GRIN2B: variants seen among roughly 807,000 people sequenced by gnomAD.
GRIN2B encodes the protein glutamate receptor ionotropic, NMDA 2B.
GRIN2B carries 5 observed loss-of-function variants against 114.5 expected under a neutral mutation model. The observed-to-expected ratio is 0.04, with a 90% confidence interval of 0.02 to 0.09. The LOEUF is 0.09. Among genes scored for constraint, GRIN2B ranks in the 10% least tolerant of loss-of-function variants. The pLI is 1.00. For synonymous variants in GRIN2B, 787 were observed against 745.1 expected (o/e 1.06, Z -0.92); for missense variants, 1,108 against 1,943.5 (o/e 0.57, Z 8.08).
At chr12:13,965,912 T>C (rs1466298244) in intron 2 of GRIN2B, among the ~76,000 whole-genome samples, 1 of 152,210 alleles carries the variant, frequency 6.6e-6, no homozygotes, top group African/African-American at 2.4e-5. Flanking sequence ...CCCACTGAAG[T>C]GGCTTTCTTT....
chr12:13,939,015 A>G (rs930822514), intron 2 of GRIN2B, among the ~76,000 whole-genome samples: 2 of 152,346 alleles, frequency 1.3e-5, no homozygotes, highest in Non-Finnish European at 1.5e-5. Flanking sequence ...ATGGAGAATT[A>G]GAACAAAATA....
chr12:13,623,900 T>C (rs1437021791), intron 5 of GRIN2B, among the ~76,000 whole-genome samples: 1 of 152,240 alleles, frequency 6.6e-6, no homozygotes, highest in African/African-American at 2.4e-5. Flanking sequence ...TACTTTTGCA[T>C]GTAGCTTTTC....
rs1264461059 is a variant in GRIN2B at position 13,545,305 on chromosome 12, T to G, written c.*17478A>C. On this transcript the variant is annotated 3_prime_UTR_variant, in exon 14 of 14. Transcript: ENST00000609686. ...TCTGCCTCATTTTTCTGCATGACACTTTGCACTATCTGACATGAGATCTAT... is the reference window on the plus strand; with the variant it reads ...TCTGCCTCATTTTTCTGCATGACACGTTGCACTATCTGACATGAGATCTAT... 1 of 152,226 alleles carries G rather than the reference T, an allele frequency of 6.6e-6. No homozygotes were observed. The highest frequency in any genetic ancestry group is 1.5e-5 in the Non-Finnish European group (1 of 68,046). The allele number at this position is 152,226 out of a possible 1,614,324, so 9.4% of individuals were successfully genotyped here.
At chr12:13,761,387 T>C (rs1455586764) in intron 3 of GRIN2B, among the ~76,000 whole-genome samples, 2 of 152,200 alleles carry the variant, frequency 1.3e-5, no homozygotes, top group Non-Finnish European at 2.9e-5. Context: ...TGAGAATGTC[T>C]ACAAGATTCT....
intron 2 of GRIN2B, among the ~76,000 whole-genome samples, chr12:13,872,297 A>C (rs780109602): frequency 6.6e-6 from 1 of 151,994 alleles, no homozygotes; most frequent in Admixed American, 6.6e-5. Flanking sequence ...AATACTAAAA[A>C]TACAAAAAAT....
At chr12:13,678,103 T>C (rs1275196371) in intron 4 of GRIN2B, among the ~76,000 whole-genome samples, 1 of 152,176 alleles carries the variant, frequency 6.6e-6, no homozygotes, top group East Asian at 1.9e-4. Flanking sequence ...TCACTTTTTA[T>C]CTATGAAGGA....
In GRIN2B at chr12:13,666,232, T is replaced by C. The variant is rs1949974000; in HGVS notation, c.1125+9513A>G. Among the ~76,000 whole-genome samples, 4 of 152,164 alleles carry C rather than the reference T, an allele frequency of 2.6e-5. No homozygotes were observed. The South Asian group carries it at 8.3e-4, about 32-fold the overall frequency. On this transcript the variant is annotated intron_variant, in intron 5 of 13. Transcript: ENST00000609686. ...CAGGGTCATACTTTCTTTCTCACCATTCCCCTGGCACAGATTTGCTTTAAG... is the reference window on the plus strand; with the variant it reads ...CAGGGTCATACTTTCTTTCTCACCACTCCCCTGGCACAGATTTGCTTTAAG...
At chr12:13,877,294 T>G (rs546933461) in intron 2 of GRIN2B, among the ~76,000 whole-genome samples, 22 of 152,328 alleles carry the variant, frequency 1.4e-4, no homozygotes, top group African/African-American at 5.3e-4. Flanking sequence ...GAGAGCCCTG[T>G]AGCTAGGCCA....
At chr12:13,919,764 C>A (rs933664488) in intron 2 of GRIN2B, among the ~76,000 whole-genome samples, 1 of 152,062 alleles carries the variant, frequency 6.6e-6, no homozygotes, top group African/African-American at 2.4e-5. Context: ...GATCGTCTCC[C>A]TGGAAAGGGT....
At chr12:13,704,476 T>C (rs955288723) in intron 4 of GRIN2B, among the ~76,000 whole-genome samples, 2 of 152,186 alleles carry the variant, frequency 1.3e-5, no homozygotes. Context: ...TCTGCATTCA[T>C]CTATTTTCAG....
rs371637925 is a variant in GRIN2B at position 13,909,901 on chromosome 12, G to T, written c.-18-43675C>A. Among the ~76,000 whole-genome samples, 8 of 152,220 alleles carry T rather than the reference G, an allele frequency of 5.3e-5. 1 individual carries two copies. The highest frequency in any genetic ancestry group is 2.0e-4 in the Admixed American group (3 of 15,280). ...TAAAAGTTCTTGTTTCTAAAGACAG[G>T]TCATCAGAGATTATGGAACAACAAA... On this transcript the variant is annotated intron_variant, in intron 2 of 13. Coordinates refer to ENST00000609686, the MANE Select transcript of GRIN2B (RefSeq NM_000834.5).
intron 4 of GRIN2B, among the ~76,000 whole-genome samples, chr12:13,679,067 A>C (rs373365691): frequency 1.8e-4 from 28 of 151,968 alleles, no homozygotes; most frequent in Admixed American, 7.2e-4. Flanking sequence ...GGAGGAAGGA[A>C]GAGAGAGATG....
rs368715378 is a variant in GRIN2B, at chr12:13,904,627, G to A, written c.-18-38401C>T. On this transcript the variant is annotated intron_variant, in intron 2 of 13. Coordinates refer to ENST00000609686, the MANE Select transcript of GRIN2B (RefSeq NM_000834.5). ...TTGGGCTTATGTTCATTAGAATATC[G>A]TTTACTGAAGGTTTGCTGGTGTTCA... Among the ~76,000 whole-genome samples the A allele has an allele frequency of 2.0e-3, 299 of 152,050 alleles. 4 individuals are homozygous for A. The South Asian group carries it at 0.033, about 17-fold the overall frequency.
intron 4 of GRIN2B, among the ~76,000 whole-genome samples, chr12:13,713,403 T>G (rs1950430773): frequency 6.6e-6 from 1 of 151,882 alleles, no homozygotes. Flanking sequence ...GTCCCCATCT[T>G]ACGAAGACAG....
chr12:13,875,653 A>G (rs1279310609), intron 2 of GRIN2B, among the ~76,000 whole-genome samples: 1 of 152,178 alleles, frequency 6.6e-6, no homozygotes, highest in Non-Finnish European at 1.5e-5. Context: ...CCCTCCACAA[A>G]GCCTCTTTTG....
chr12:13,789,632 C>T (rs1473015076), intron 3 of GRIN2B, among the ~76,000 whole-genome samples: 1 of 152,098 alleles, frequency 6.6e-6, no homozygotes. Flanking sequence ...AATAATTATG[C>T]TCATGTAAGA....
chr12:13,773,511 A>G (rs138735913), intron 3 of GRIN2B, among the ~76,000 whole-genome samples: 37 of 152,332 alleles, frequency 2.4e-4, no homozygotes, highest in African/African-American at 8.7e-4. Context: ...TCTTCCCAAA[A>G]GTGCTCAAAG....
intron 4 of GRIN2B, among the ~76,000 whole-genome samples, chr12:13,688,967 T>C (rs750917789): frequency 2.6e-5 from 4 of 152,220 alleles, no homozygotes; most frequent in Non-Finnish European, 5.9e-5. Flanking sequence ...TCTGTCTAGA[T>C]ACTACCATGC....
At chr12:13,800,859 G>A (rs1046070274) in intron 3 of GRIN2B, among the ~76,000 whole-genome samples, 10 of 152,096 alleles carry the variant, frequency 6.6e-5, no homozygotes, top group African/African-American at 1.7e-4. Flanking sequence ...GTCATGCTAT[G>A]CTATATTCTG....
Sources: allele counts gnomAD v4.1 joint callset (sites outside exome capture counted in the v4.1 genomes callset), GRCh38; gene constraint gnomAD v4.1.1; transcripts MANE v1.5; gene names NCBI Gene and HGNC (gene_info 2026-07-23, HGNC 2026-07-21).